The following AOPEP variants were observed in gnomAD, a reference collection of about 807,000 sequenced individuals.
The protein encoded by AOPEP is aminopeptidase O (putative), also known as aminopeptidase O.
A neutral mutation model predicts 98.1 loss-of-function variants in AOPEP; 77 were observed. That is an observed-to-expected ratio of 0.78 (90% CI 0.65 to 0.95). The LOEUF (loss-of-function observed/expected upper bound fraction) is 0.95, where lower values mean the gene tolerates loss of function less well. AOPEP is among the 40% of genes least tolerant of loss of function. The pLI, the probability that AOPEP is intolerant of heterozygous loss-of-function variation, is 0.00. For missense variants in AOPEP, 1,024 were observed against 1,024.7 expected, an observed-to-expected ratio of 1.00 and a Z score of 0.01; for synonymous variants, 346 against 365.3, an observed-to-expected ratio of 0.95 and a Z score of 0.60.
intron 11 of AOPEP, among the ~76,000 whole-genome samples, chr9:95,002,084 A>G (rs1299866135): frequency 6.6e-6 from 1 of 151,940 alleles, no homozygotes; most frequent in Non-Finnish European, 1.5e-5. Flanking sequence ...CAGCCTGTTT[A>G]TAAAGTTACC....
At chr9:94,990,671 C>A (rs79320514) in intron 11 of AOPEP, among the ~76,000 whole-genome samples, 10,109 of 152,008 alleles carry the variant, frequency 0.067, 818 homozygotes, top group African/African-American at 0.19. Flanking sequence ...GTCGCCCAGG[C>A]TGGAGTGCAC....
At chr9:94,819,946 C>CTTTTTTTT (rs11423201) in intron 5 of AOPEP, among the ~76,000 whole-genome samples, 31 of 121,580 alleles carry the variant, frequency 2.5e-4, no homozygotes, top group Non-Finnish European at 4.3e-4. Flanking sequence ...TAGTGCAATT[C>CTTTTTTTT]TTTTTTTTTT....
chr9:94,846,190 C>G lies in AOPEP; in HGVS notation c.1364+45188C>G, dbSNP rs546296434. On this transcript the variant is annotated intron_variant, in intron 5 of 16. Transcript: ENST00000375315. ...TGACTAGAGATCTGAATTTGCGGAG[C>G]CTTCAGGATACAGATGGTATTTGAC... 2.0e-5 allele frequency among the ~76,000 whole-genome samples: 3 copies of G among 152,020 alleles called. 1 individual carries two copies. The highest frequency in any genetic ancestry group is 4.2e-4 in the South Asian group (2 of 4,802).
At chr9:94,857,169 G>A (rs6479576) in intron 5 of AOPEP, among the ~76,000 whole-genome samples, 128,463 of 152,242 alleles carry the variant, frequency 0.84, 55,921 homozygotes, top group Non-Finnish European at 0.94. Flanking sequence ...TCACCCTTCT[G>A]TCTCTGTGAA....
At chr9:94,793,954 A>G (rs974135959) in intron 4 of AOPEP, among the ~76,000 whole-genome samples, 4 of 152,170 alleles carry the variant, frequency 2.6e-5, no homozygotes, top group African/African-American at 9.7e-5. Flanking sequence ...GGTTGTACCA[A>G]CTGCTGTTAG....
chr9:95,089,850 A>C (rs999477200), downstream of AOPEP, among the ~76,000 whole-genome samples: 1 of 152,158 alleles, frequency 6.6e-6, no homozygotes, highest in Non-Finnish European at 1.5e-5. Context: ...AGCTCCCCCC[A>C]CCCTGCAACA....
intron 14 of AOPEP, among the ~76,000 whole-genome samples, chr9:95,076,918 G>A (rs1172803915): frequency 6.6e-6 from 1 of 152,226 alleles, no homozygotes; most frequent in Non-Finnish European, 1.5e-5. Context: ...ATCCCCAGCT[G>A]GACTTTGTCC....
the AOPEP span, among the ~76,000 whole-genome samples, chr9:95,104,084 G>A: frequency 2.6e-5 from 4 of 152,164 alleles, no homozygotes; most frequent in South Asian, 6.2e-4. Flanking sequence ...CCACCTGCTC[G>A]TGGGCCAAGC....
At chr9:94,925,281 G>A (rs1381912843) in intron 6 of AOPEP, among the ~76,000 whole-genome samples, 4 of 152,182 alleles carry the variant, frequency 2.6e-5, no homozygotes, top group Admixed American at 1.3e-4. Context: ...GAGCCACCGC[G>A]CCCAGCCTCA....
At chr9:94,953,823 G>A (rs948202678) in intron 7 of AOPEP, among the ~76,000 whole-genome samples, 5 of 152,218 alleles carry the variant, frequency 3.3e-5, no homozygotes, top group South Asian at 2.1e-4. Context: ...TAGAACAGCC[G>A]AAAGCTGTAA....
At chr9:94,764,768 C>A (rs1330609886) in intron 2 of AOPEP, among the ~76,000 whole-genome samples, 1 of 152,096 alleles carries the variant, frequency 6.6e-6, no homozygotes, top group Non-Finnish European at 1.5e-5. Context: ...TTGGTTCACT[C>A]CTTGTGACAA....
At chr9:94,849,773 G>C (rs1777182371) in intron 5 of AOPEP, among the ~76,000 whole-genome samples, 1 of 152,082 alleles carries the variant, frequency 6.6e-6, no homozygotes, top group South Asian at 2.1e-4. Flanking sequence ...AGTGGCTCAC[G>C]CTTGTAATCC....
intron 3 of AOPEP, among the ~76,000 whole-genome samples, chr9:94,789,743 A>G (rs1845234230): frequency 1.3e-5 from 2 of 152,046 alleles, no homozygotes; most frequent in African/African-American, 2.4e-5. Context: ...ACCTCCTTCT[A>G]CTGGCTTGGA....
At chr9:95,034,030 A>T (rs1357065234) in intron 13 of AOPEP, among the ~76,000 whole-genome samples, 5 of 152,198 alleles carry the variant, frequency 3.3e-5, no homozygotes, top group Admixed American at 3.3e-4. Context: ...GAGGTCATTG[A>T]TGATGACAGA....
Position 94,933,744 on chromosome 9 carries a change from A to T in AOPEP, c.1661+5213A>T, listed in dbSNP as rs1191608636. 4 of 821,614 alleles carry T rather than the reference A, an allele frequency of 4.9e-6. No homozygotes were observed. The South Asian group carries it at 1.7e-4, about 34-fold the overall frequency. The allele number at this position is 821,614 out of a possible 1,614,324, so 50.9% of individuals were successfully genotyped here. A position where few individuals can be genotyped will look rare whatever the true frequency, so the allele number is the denominator to read the frequency against. ...AGGAAGCCTTTTTTTATTTTTATTTATTTTTTTTAATTTTTTTTTTTGAGA... is the reference window on the plus strand; with the variant it reads ...AGGAAGCCTTTTTTTATTTTTATTTTTTTTTTTTAATTTTTTTTTTTGAGA... On this transcript the variant is annotated intron_variant, in intron 7 of 16. Coordinates refer to ENST00000375315, the MANE Select transcript of AOPEP (RefSeq NM_001193329.3).
the AOPEP span, among the ~76,000 whole-genome samples, chr9:95,146,006 T>C: frequency 1.3e-5 from 2 of 151,944 alleles, no homozygotes; most frequent in East Asian, 3.9e-4. Context: ...ACAAACCAAC[T>C]GGAAGAAAAA....
chr9:94,831,105 T>C (rs1223309281), intron 5 of AOPEP, among the ~76,000 whole-genome samples: 1 of 152,214 alleles, frequency 6.6e-6, no homozygotes, highest in Non-Finnish European at 1.5e-5. Context: ...CTTTTGGCAT[T>C]TTTGTCATGA....
At chr9:94,896,778 G>T (rs908658237) in intron 5 of AOPEP, among the ~76,000 whole-genome samples, 1 of 152,156 alleles carries the variant, frequency 6.6e-6, no homozygotes, top group Non-Finnish European at 1.5e-5. Context: ...GAGACATGAA[G>T]ACTAAATGTT....
intron 1 of AOPEP, among the ~76,000 whole-genome samples, chr9:94,750,902 C>T (rs1440514147): frequency 6.6e-6 from 1 of 151,662 alleles, no homozygotes; most frequent in Non-Finnish European, 1.5e-5. Context: ...CGCCTGCCAC[C>T]ACGCCCGGCT....
Sources: gnomAD v4.1 joint callset for allele counts (sites outside exome capture counted in the v4.1 genomes callset) on GRCh38, gnomAD v4.1.1 for gene constraint, MANE v1.5 for transcripts, NCBI Gene and HGNC (gene_info 2026-07-23, HGNC 2026-07-21) for gene names.